Variants in UGT1A10 observed in about 807,000 individuals in gnomAD.
The protein encoded by UGT1A10 is UDP-glucuronosyltransferase 1A10.
In UGT1A10, 49 loss-of-function variants were observed where a neutral mutation model predicts 45.8. That is an observed-to-expected ratio of 1.07 (90% CI 0.85 to 1.36). The LOEUF (loss-of-function observed/expected upper bound fraction) is 1.36. Ranked by LOEUF, UGT1A10 falls within the 40% of genes most tolerant of loss-of-function variation. The probability of loss-of-function intolerance (pLI) is 0.00; values close to 1 mark genes in which losing one functional copy is unlikely to be tolerated. For missense variants in UGT1A10, 745 were observed against 668.6 expected (o/e 1.11, Z -1.26); for synonymous variants, 284 against 249.7 (o/e 1.14, Z -1.29).
intron 1 of UGT1A10, chr2:233,691,453 G>C (rs2075043201): frequency 2.1e-5 from 21 of 985,678 alleles, no homozygotes; most frequent in Non-Finnish European, 2.5e-5. Flanking sequence ...TCCCTTCCTG[G>C]GCCCCAGAAC....
Position 233,760,233 on chromosome 2 carries a change from C to CATATAT in UGT1A10, c.856-6791_856-6786dup, listed in dbSNP as rs3064744. 17 of 1,510,056 alleles carry CATATAT rather than the reference C, an allele frequency of 1.1e-5. No individual in the cohort carries two copies. The African/African-American group carries it at 1.9e-4, about 17-fold the overall frequency. The allele number at this position is 1,510,056 out of a possible 1,614,324, so 93.5% of individuals were successfully genotyped here. On this transcript the variant is annotated intron_variant, in intron 1 of 4. Coordinates refer to ENST00000344644, the MANE Select transcript of UGT1A10 (RefSeq NM_019075.4). ...ACTTGGTGTATCGATTGGTTTTTGC[C>CATATAT]ATATATATATATATAAGTAGGAGAG...
chr2:233,762,827 TA>T (rs922323260), intron 1 of UGT1A10, among the ~76,000 whole-genome samples: 2 of 152,162 alleles, frequency 1.3e-5, no homozygotes, highest in African/African-American at 2.4e-5. Flanking sequence ...ATTTTCATAA[TA>T]AAAAATAATA....
chr2:233,713,121 ATGCGGGAGGCCT>A, intron 1 of UGT1A10: 1 of 1,614,250 alleles, frequency 6.2e-7, no homozygotes, highest in South Asian at 1.1e-5. Flanking sequence ...CTGGCTCAGC[ATGCGGGAGGCCT>A]TGCGGGACCT....
intron 1 of UGT1A10, among the ~76,000 whole-genome samples, chr2:233,736,321 A>G (rs1202722197): frequency 6.6e-6 from 1 of 152,088 alleles, no homozygotes; most frequent in Non-Finnish European, 1.5e-5. Context: ...AATTTTGTGC[A>G]TGTGTTATGA....
intron 1 of UGT1A10, among the ~76,000 whole-genome samples, chr2:233,702,494 C>T (rs374252732): frequency 3.1e-4 from 47 of 152,116 alleles, no homozygotes; most frequent in Non-Finnish European, 5.1e-4. Context: ...CCTCTAGTAC[C>T]GTGTTGAATA....
chr2:233,671,896 TTAG>T, intron 1 of UGT1A10: 1 of 1,570,422 alleles, frequency 6.4e-7, no homozygotes, highest in Non-Finnish European at 8.6e-7. Flanking sequence ...TCATAGGAGC[TTAG>T]ATTCCCAGCT....
intron 1 of UGT1A10, among the ~76,000 whole-genome samples, chr2:233,649,230 G>T (rs982789404): frequency 3.2e-4 from 48 of 152,138 alleles, no homozygotes; most frequent in African/African-American, 1.1e-3. Context: ...GTATACGATT[G>T]GTTAATTGCT....
intron 1 of UGT1A10, among the ~76,000 whole-genome samples, chr2:233,726,278 A>T (rs548858738): frequency 6.6e-6 from 1 of 152,236 alleles, no homozygotes; most frequent in Non-Finnish European, 1.5e-5. Context: ...CTATGGTCCC[A>T]GGTACTTGGG....
intron 1 of UGT1A10, chr2:233,717,717 G>T (rs1199377056): frequency 8.8e-6 from 4 of 454,280 alleles, no homozygotes; most frequent in South Asian, 6.2e-5. Flanking sequence ...AGCCTCATGG[G>T]CATGAGACCA....
At chr2:233,692,850 T>A in intron 1 of UGT1A10, 1 of 1,458,738 alleles carries the variant, frequency 6.9e-7, no homozygotes, top group South Asian at 1.5e-5. Context: ...AATATTAATT[T>A]GGGTTCTTAC....
intron 1 of UGT1A10, among the ~76,000 whole-genome samples, chr2:233,733,397 G>C (rs1438211185): frequency 1.3e-5 from 2 of 152,194 alleles, no homozygotes; most frequent in Non-Finnish European, 2.9e-5. Flanking sequence ...AGTTTTCAAA[G>C]GGAATGCTTC....
At chr2:233,760,138 T>C (rs2125979054) in intron 1 of UGT1A10, 1 of 1,410,406 alleles carries the variant, frequency 7.1e-7, no homozygotes, top group African/African-American at 1.4e-5. Context: ...TCTTTATCTC[T>C]GAAAGTGAAC....
intron 1 of UGT1A10, among the ~76,000 whole-genome samples, chr2:233,694,626 C>T (rs2075230787): frequency 6.6e-6 from 1 of 152,172 alleles, no homozygotes; most frequent in Non-Finnish European, 1.5e-5. Context: ...ATCTTTTATG[C>T]CTCAATTTTC....
Position 233,769,467 on chromosome 2 carries a change from G to T in UGT1A10, c.1295+1028G>T. The T allele has an allele frequency of 6.2e-7, 1 of 1,602,902 alleles. No homozygotes were observed. On this transcript the variant is annotated intron_variant, in intron 4 of 4. Coordinates refer to ENST00000344644, the MANE Select transcript of UGT1A10 (RefSeq NM_019075.4). This position sits in a 1 kb window ranked among gnomAD's most constrained non-coding sequence, Gnocchi z 4.4. Reference sequence around the variant, plus strand: ...TGCACACGTGTGCATTCATATGCGTGTGTGTGTGTGTGCGTGTGTTTATGA... The same window carrying T: ...TGCACACGTGTGCATTCATATGCGTTTGTGTGTGTGTGCGTGTGTTTATGA...
chr2:233,766,514 T>C (rs1164692574), intron 1 of UGT1A10, among the ~76,000 whole-genome samples: 2 of 152,060 alleles, frequency 1.3e-5, no homozygotes, highest in South Asian at 2.1e-4. Flanking sequence ...TTTTGGGAAA[T>C]GAAACATTTA....
intron 1 of UGT1A10, among the ~76,000 whole-genome samples, chr2:233,645,926 A>G (rs762495359): frequency 3.9e-5 from 6 of 152,212 alleles, no homozygotes; most frequent in Non-Finnish European, 8.8e-5. Context: ...CTTCAACCCC[A>G]AATTTCCCTT....
At chr2:233,728,329 C>A (rs541948735) in intron 1 of UGT1A10, among the ~76,000 whole-genome samples, 12 of 152,272 alleles carry the variant, frequency 7.9e-5, no homozygotes, top group African/African-American at 2.6e-4. Context: ...GGCTCCAGCT[C>A]CCCCAGTCCC....
At chr2:233,658,660 G>A (rs1290974367) in intron 1 of UGT1A10, among the ~76,000 whole-genome samples, 1 of 152,184 alleles carries the variant, frequency 6.6e-6, no homozygotes, top group African/African-American at 2.4e-5. Context: ...TAGGTTTTAG[G>A]AAGTAAGACC....
chr2:233,743,215 C>T (rs1225035803), intron 1 of UGT1A10: 38 of 407,424 alleles, frequency 9.3e-5, no homozygotes, highest in Non-Finnish European at 1.6e-4. Context: ...GGAGTAACTG[C>T]TCTTTGCTAT....
Sources: allele counts gnomAD v4.1 joint callset (sites outside exome capture counted in the v4.1 genomes callset), GRCh38; gene constraint gnomAD v4.1.1; non-coding constraint Gnocchi (gnomAD v3.1); transcripts MANE v1.5; gene names NCBI Gene and HGNC (gene_info 2026-07-23, HGNC 2026-07-21).